ATF7IP: variants seen among roughly 807,000 people sequenced by gnomAD.
ATF7IP encodes the protein activating transcription factor 7 interacting protein, also known as activating transcription factor 7-interacting protein 1.
In ATF7IP, 23 loss-of-function variants were observed where a neutral mutation model predicts 106.4. The ratio of observed to expected loss-of-function variants is 0.22; its 90% CI spans 0.16 to 0.31. ATF7IP has a LOEUF of 0.31. ATF7IP is among the 10% of genes least tolerant of loss of function. The pLI is 1.00. For missense variants in ATF7IP, 1,334 were observed against 1,524.3 expected, an observed-to-expected ratio of 0.88 and a Z score of 2.08; for synonymous variants, 542 against 539.0, an observed-to-expected ratio of 1.01 and a Z score of -0.08.
chr12:14,459,290 C>T (rs970440860), intron 8 of ATF7IP, among the ~76,000 whole-genome samples: 12 of 152,150 alleles, frequency 7.9e-5, no homozygotes, highest in African/African-American at 2.9e-4. Context: ...AAGCATTTTT[C>T]CTTAACTATC....
Position 14,448,725 on chromosome 12 carries a change from C to G in ATF7IP, c.1995+1672C>G, listed in dbSNP as rs78976132. On this transcript the variant is annotated intron_variant, in intron 6 of 14. Transcript: ENST00000261168. The stretch of plus-strand genomic sequence containing the variant: ...ATACTTTTAGATATTTGAGGAGCCC[C>G]CATTCTGTTCTTCATAGAGGCTGCA... Among the ~76,000 whole-genome samples the G allele has an allele frequency of 6.4e-3, 972 of 152,168 alleles. 8 individuals carry two copies. The highest frequency in any genetic ancestry group is 0.022 in the African/African-American group (930 of 41,518).
At chr12:14,414,336 T>C (rs1328047527) in intron 1 of ATF7IP, among the ~76,000 whole-genome samples, 1 of 152,200 alleles carries the variant, frequency 6.6e-6, no homozygotes, top group South Asian at 2.1e-4. Flanking sequence ...ATGAAAGTAA[T>C]GTACACCATG....
intron 1 of ATF7IP, among the ~76,000 whole-genome samples, chr12:14,371,764 C>T (rs1938539383): frequency 1.3e-5 from 2 of 151,972 alleles, no homozygotes; most frequent in Non-Finnish European, 1.5e-5. Flanking sequence ...TTATATTTAA[C>T]CTATTTCAGA....
intron 1 of ATF7IP, among the ~76,000 whole-genome samples, chr12:14,390,508 A>G (rs1209241927): frequency 6.6e-6 from 1 of 152,238 alleles, no homozygotes. Flanking sequence ...AAAGGACATC[A>G]CTATCAACTT....
intron 1 of ATF7IP, among the ~76,000 whole-genome samples, chr12:14,406,920 A>G (rs573775977): frequency 2.4e-4 from 36 of 152,284 alleles, no homozygotes; most frequent in African/African-American, 8.4e-4. Flanking sequence ...GTTAAATTTC[A>G]TTTAAAAATC....
At position 14,423,966 on chromosome 12, in the gene ATF7IP, G is replaced by A. The variant is rs532546184; in HGVS notation, c.51G>A (p.Thr17=). 25 of 1,613,246 alleles carry A rather than the reference G, an allele frequency of 1.5e-5. No individual in the cohort carries two copies. The highest frequency in any genetic ancestry group is 1.4e-4 in the South Asian group (13 of 90,814). Residue 17 remains threonine, a synonymous_variant, in exon 2 of 15, where the codon ACG becomes ACA. Transcript: ENST00000261168. ...AAAAAGTCTTTAAGGCTCGAAAAAC[G>A]ATGAGAGTGAGTGATCGTCAGCAAC... ...PQKKVFKARK[T]MRVSDRQQLE...
At chr12:14,451,434 G>A (rs796101813) in intron 6 of ATF7IP, among the ~76,000 whole-genome samples, 7 of 151,864 alleles carry the variant, frequency 4.6e-5, no homozygotes, top group African/African-American at 1.7e-4. Context: ...TTTGGGTTTA[G>A]TTTTTCCCCT....
intron 5 of ATF7IP, among the ~76,000 whole-genome samples, chr12:14,440,920 A>T (rs1942664421): frequency 6.6e-6 from 1 of 152,144 alleles, no homozygotes; most frequent in African/African-American, 2.4e-5. Flanking sequence ...ATTCCTTCTT[A>T]GGGCTAAATA....
intron 6 of ATF7IP, among the ~76,000 whole-genome samples, chr12:14,455,543 CACTTG>C (rs1363069172): frequency 2.0e-5 from 3 of 152,154 alleles, no homozygotes; most frequent in South Asian, 2.1e-4. Context: ...GTTATTCTTA[CACTTG>C]ACTTAGTCTT....
At chr12:14,468,733 A>G (rs991996155) in intron 10 of ATF7IP, among the ~76,000 whole-genome samples, 1 of 152,154 alleles carries the variant, frequency 6.6e-6, no homozygotes, top group African/African-American at 2.4e-5. Context: ...TATGAATAAT[A>G]AATATAATTA....
In ATF7IP at chr12:14,466,517, A is replaced by G; in HGVS notation, c.2798-9A>G. 2 of 1,596,000 alleles carry G rather than the reference A, an allele frequency of 1.3e-6. No individual in the cohort carries two copies. Among genetic ancestry groups the G allele is most frequent in the Non-Finnish European group, 1.7e-6 (2 of 1,174,550 alleles). On this transcript the variant is annotated splice_polypyrimidine_tract_variant and intron_variant, in intron 9 of 14. Coordinates refer to ENST00000261168, the MANE Select transcript of ATF7IP (RefSeq NM_018179.5). ...GATGTTTTTAAAAATGGCTTTTTTT[A>G]CTTTTCAGAAAACCAGACAAACAAA...
At chr12:14,478,909 C>G (rs1262356638) in intron 12 of ATF7IP, among the ~76,000 whole-genome samples, 1 of 152,130 alleles carries the variant, frequency 6.6e-6, no homozygotes, top group Admixed American at 6.6e-5. Context: ...ATGCAGACTT[C>G]TCTGAGCCTT....
At chr12:14,404,842 T>C (rs1461479174) in intron 1 of ATF7IP, among the ~76,000 whole-genome samples, 1 of 138,158 alleles carries the variant, frequency 7.2e-6, no homozygotes, top group South Asian at 2.4e-4. Context: ...TTATTTGATA[T>C]GATGATTAGG....
chr12:14,501,807 T>C lies in ATF7IP; in HGVS notation c.*3734T>C, dbSNP rs1246734515. The C allele has an allele frequency of 6.6e-6, 1 of 152,226 alleles. No homozygotes were observed. Among genetic ancestry groups the C allele is most frequent in the Non-Finnish European group, 1.5e-5 (1 of 68,036 alleles). 9.4% of individuals were successfully genotyped at this position (152,226 alleles called of 1,614,324 possible). ...AAGCAGGCTGTATCTTACAATTCCC[T>C]TACTGCACTGGGTAAGTGTTAACTT... On this transcript the variant is annotated 3_prime_UTR_variant, in exon 15 of 15. Coordinates refer to ENST00000261168, the MANE Select transcript of ATF7IP (RefSeq NM_018179.5).
chr12:14,491,481 C>T (rs192640378), intron 13 of ATF7IP, among the ~76,000 whole-genome samples: 2 of 152,270 alleles, frequency 1.3e-5, no homozygotes, highest in Admixed American at 1.3e-4. Context: ...AATCTCTCAC[C>T]AATAAGTCCA....
At chr12:14,406,884 G>T (rs1009304778) in intron 1 of ATF7IP, among the ~76,000 whole-genome samples, 2 of 152,066 alleles carry the variant, frequency 1.3e-5, no homozygotes, top group Admixed American at 6.6e-5. Flanking sequence ...GAGCCACCAT[G>T]CCCGGACAGT....
chr12:14,392,724 ATG>A (rs1939631173), intron 1 of ATF7IP, among the ~76,000 whole-genome samples: 1 of 152,174 alleles, frequency 6.6e-6, no homozygotes, highest in Non-Finnish European at 1.5e-5. Flanking sequence ...ACTACACAAA[ATG>A]TGGCCTGTGA....
intron 8 of ATF7IP, among the ~76,000 whole-genome samples, chr12:14,459,266 C>T (rs1943549727): frequency 6.6e-6 from 1 of 152,150 alleles, no homozygotes; most frequent in African/African-American, 2.4e-5. Context: ...GTTGAGTTTA[C>T]AGCTCAATTG....
At chr12:14,398,678 CTGAT>C (rs1940002454) in intron 1 of ATF7IP, among the ~76,000 whole-genome samples, 1 of 151,930 alleles carries the variant, frequency 6.6e-6, no homozygotes, top group Non-Finnish European at 1.5e-5. Flanking sequence ...AGATTTATTT[CTGAT>C]TGTGAATTTA....
Sources: allele counts gnomAD v4.1 joint callset (sites outside exome capture counted in the v4.1 genomes callset), GRCh38; gene constraint gnomAD v4.1.1; transcripts MANE v1.5; gene names NCBI Gene and HGNC (gene_info 2026-07-23, HGNC 2026-07-21).